SLC25A21: variants seen among roughly 807,000 people sequenced by gnomAD.
The protein encoded by SLC25A21 is solute carrier family 25 member 21, also known as mitochondrial 2-oxodicarboxylate carrier.
In SLC25A21, 47 loss-of-function variants were observed where a neutral mutation model predicts 43.8. The observed-to-expected ratio is 1.07, with a 90% CI of 0.85 to 1.37. The LOEUF is 1.37. Ranked by LOEUF, SLC25A21 falls within the 40% of genes most tolerant of loss-of-function variation. SLC25A21 has a pLI of 0.00. For missense variants in SLC25A21, 352 were observed against 350.2 expected, an observed-to-expected ratio of 1.00 and a Z score of -0.04; for synonymous variants, 131 against 121.3, an observed-to-expected ratio of 1.08 and a Z score of -0.52.
At chr14:36,887,855 T>C (rs958647450) in intron 1 of SLC25A21, among the ~76,000 whole-genome samples, 1 of 151,810 alleles carries the variant, frequency 6.6e-6, no homozygotes, top group Non-Finnish European at 1.5e-5. Context: ...TCCTTTCTTC[T>C]TTGATTTAAT....
At chr14:36,722,363 T>C (rs1344903868) in intron 6 of SLC25A21, among the ~76,000 whole-genome samples, 1 of 152,144 alleles carries the variant, frequency 6.6e-6, no homozygotes, top group Non-Finnish European at 1.5e-5. Flanking sequence ...TGAATATATG[T>C]CATTATACAT....
intron 2 of SLC25A21, among the ~76,000 whole-genome samples, chr14:36,858,250 C>A (rs1215547622): frequency 1.3e-5 from 2 of 152,110 alleles, no homozygotes; most frequent in Non-Finnish European, 2.9e-5. Context: ...ACCACCCCTA[C>A]CCCCACCCTC....
intron 1 of SLC25A21, among the ~76,000 whole-genome samples, chr14:37,018,045 T>G (rs1015454306): frequency 4.6e-5 from 7 of 151,972 alleles, no homozygotes; most frequent in Non-Finnish European, 7.4e-5. Context: ...TGGAAATTGA[T>G]TAAATTATGG....
intron 2 of SLC25A21, among the ~76,000 whole-genome samples, chr14:36,839,235 C>T (rs111844005): frequency 6.6e-6 from 1 of 152,162 alleles, no homozygotes; most frequent in African/African-American, 2.4e-5. Flanking sequence ...AGGATTAACA[C>T]ACTTAACTCA....
intron 1 of SLC25A21, among the ~76,000 whole-genome samples, chr14:37,065,323 C>T (rs1962037328): frequency 6.6e-6 from 1 of 152,150 alleles, no homozygotes; most frequent in Admixed American, 6.5e-5. Context: ...AAAGCATCTT[C>T]TTAAAATAAT....
Position 36,678,153 on chromosome 14 carries a change from G to T in SLC25A21, c.*2505C>A. On this transcript the variant is annotated 3_prime_UTR_variant, in exon 10 of 10. Coordinates refer to ENST00000331299, the MANE Select transcript of SLC25A21 (RefSeq NM_030631.4). ...TTTCTTCCGGTCTGTGCTGTGCACA[G>T]TCTACATGGCAATGCGGTTCCACCA... 2.7e-6 allele frequency: 1 copy of T among 367,044 alleles called. No individual in the cohort carries two copies. The highest frequency in any genetic ancestry group is 4.3e-5 in the South Asian group (1 of 23,142). 22.7% of individuals were successfully genotyped at this position (367,044 alleles called of 1,614,324 possible).
At chr14:37,005,364 T>A (rs1433229096) in intron 1 of SLC25A21, among the ~76,000 whole-genome samples, 4 of 152,156 alleles carry the variant, frequency 2.6e-5, no homozygotes, top group Non-Finnish European at 5.9e-5. Context: ...TTGGTTCCCA[T>A]CTGTAGCCAA....
At chr14:37,087,871 C>T (rs1313921775) in intron 1 of SLC25A21, among the ~76,000 whole-genome samples, 2 of 152,172 alleles carry the variant, frequency 1.3e-5, no homozygotes, top group Admixed American at 6.5e-5. Flanking sequence ...ACACACACAC[C>T]AAACACATCA....
intron 1 of SLC25A21, among the ~76,000 whole-genome samples, chr14:37,032,670 C>CAAAAAAAAAAAAAAAA (rs3061773): frequency 1.1e-5 from 1 of 93,758 alleles, no homozygotes. Context: ...GACTCTGTCT[C>CAAAAAAAAAAAAAAAA]AAAAAAAAAA....
intron 1 of SLC25A21, among the ~76,000 whole-genome samples, chr14:36,945,482 T>C (rs1446132090): frequency 6.6e-6 from 1 of 152,096 alleles, no homozygotes; most frequent in African/African-American, 2.4e-5. Context: ...GACAGATGAA[T>C]GGAAAAACAA....
rs575644282 is a variant in SLC25A21, at chr14:36,987,612, G to A, written c.71-112608C>T. On this transcript the variant is annotated intron_variant, in intron 1 of 9. Transcript: ENST00000331299. ...TCACCTCATTAAAAGCTCTTCATAA[G>A]CATTATTTTTGATGCTACATAATAT... Among the ~76,000 whole-genome samples the A allele has an allele frequency of 9.2e-5, 14 of 152,058 alleles. No homozygotes were observed. In the South Asian group the frequency reaches 2.9e-3, roughly 32 times the overall value.
At chr14:36,744,863 C>CT (rs75687715) in intron 3 of SLC25A21, among the ~76,000 whole-genome samples, 87,771 of 150,936 alleles carry the variant, frequency 0.58, 27,260 homozygotes, top group African/African-American at 0.82. Flanking sequence ...AGGCATTTTT[C>CT]TTTTTTTTTA....
intron 1 of SLC25A21, among the ~76,000 whole-genome samples, chr14:37,125,301 T>C (rs1963278396): frequency 6.6e-6 from 1 of 152,056 alleles, no homozygotes; most frequent in Admixed American, 6.6e-5. Context: ...TAGAATGGAG[T>C]GATACTTCGG....
At chr14:37,123,537 T>A (rs2138894933) in intron 1 of SLC25A21, among the ~76,000 whole-genome samples, 1 of 152,204 alleles carries the variant, frequency 6.6e-6, no homozygotes, top group South Asian at 2.1e-4. Flanking sequence ...AGTAAAAAAC[T>A]AGAAAGAACA....
intron 3 of SLC25A21, among the ~76,000 whole-genome samples, chr14:36,800,669 C>T (rs1887839230): frequency 1.3e-5 from 2 of 152,018 alleles, no homozygotes; most frequent in South Asian, 4.2e-4. Flanking sequence ...TTGATGGTTG[C>T]ACGACATTGA....
At chr14:36,808,082 C>A (rs1294575506) in intron 3 of SLC25A21, among the ~76,000 whole-genome samples, 5 of 152,104 alleles carry the variant, frequency 3.3e-5, no homozygotes, top group Non-Finnish European at 7.4e-5. Flanking sequence ...GTTCAAATGC[C>A]CCCCAAATGC....
intron 1 of SLC25A21, among the ~76,000 whole-genome samples, chr14:36,947,747 T>A (rs913551511): frequency 1.3e-5 from 2 of 152,092 alleles, no homozygotes; most frequent in Non-Finnish European, 2.9e-5. Context: ...TTTTAGGGGG[T>A]ATTTTATATT....
chr14:36,764,107 G>A lies in SLC25A21; in HGVS notation c.204-29534C>T, dbSNP rs10134729. Among the ~76,000 whole-genome samples the A allele has an allele frequency of 5.6e-3, 239 of 43,022 alleles. 6 individuals are homozygous for A. The highest frequency in any genetic ancestry group is 0.026 in the East Asian group (19 of 720). The allele number at this position is 43,022 out of a possible 152,430, so 28.2% of individuals were successfully genotyped here. On this transcript the variant is annotated intron_variant, in intron 3 of 9. Transcript: ENST00000331299. ...AGGAAGGAAGGAAGGAAGGAAGGAA[G>A]GAAGGAAAGAAGGAAAGAAGGAAAG...
intron 3 of SLC25A21, among the ~76,000 whole-genome samples, chr14:36,768,490 C>T (rs1180823322): frequency 1.3e-5 from 2 of 152,108 alleles, no homozygotes; most frequent in East Asian, 3.8e-4. Flanking sequence ...CTCACCCCAC[C>T]GTCGCCTCTT....
Sources: gnomAD v4.1 joint callset for allele counts (sites outside exome capture counted in the v4.1 genomes callset) on GRCh38, gnomAD v4.1.1 for gene constraint, MANE v1.5 for transcripts, NCBI Gene and HGNC (gene_info 2026-07-23, HGNC 2026-07-21) for gene names.